The following ADAM20 variants were observed in gnomAD, a reference collection of about 807,000 sequenced individuals.
ADAM20 encodes ADAM metallopeptidase domain 20.
For synonymous variants in ADAM20, 305 were observed against 310.2 expected (o/e 0.98, Z 0.18); for missense variants, 871 against 883.2 (o/e 0.99, Z 0.18).
At chr14:70,576,718 T>C in the ADAM20 span, among the ~76,000 whole-genome samples, 6 of 152,012 alleles carry the variant, frequency 3.9e-5, no homozygotes, top group African/African-American at 1.2e-4. Flanking sequence ...GTAGGGTACA[T>C]AAAGAGGGTT....
the ADAM20 span, among the ~76,000 whole-genome samples, chr14:70,570,597 G>A: frequency 1.3e-3 from 202 of 152,016 alleles, 2 homozygotes; most frequent in African/African-American, 4.5e-3. Context: ...TTGAACAGAC[G>A]AATGAGTTAG....
chr14:70,557,576 G>C, the ADAM20 span: 3 of 152,200 alleles, frequency 2.0e-5, no homozygotes, highest in Non-Finnish European at 4.4e-5. Context: ...GGAAATAGAA[G>C]TATTACAAAG....
chr14:70,545,666 A>G, the ADAM20 span, among the ~76,000 whole-genome samples: 1 of 152,242 alleles, frequency 6.6e-6, no homozygotes, highest in Non-Finnish European at 1.5e-5. Flanking sequence ...AGAGGATATG[A>G]CAATTGTAAA....
the ADAM20 span, among the ~76,000 whole-genome samples, chr14:70,544,576 A>T: frequency 6.6e-6 from 1 of 152,182 alleles, no homozygotes; most frequent in Non-Finnish European, 1.5e-5. Flanking sequence ...TAACAGAGAA[A>T]ATACCTAATT....
At chr14:70,567,858 G>A in the ADAM20 span, among the ~76,000 whole-genome samples, 152 of 152,236 alleles carry the variant, frequency 1.0e-3, no homozygotes, top group Middle Eastern at 3.4e-3. Context: ...GCAAGATAGG[G>A]AAGCAGATGG....
At position 70,523,078 on chromosome 14, in the gene ADAM20, CAT is replaced by C. The variant is rs752821410; in HGVS notation, c.1678_1679del (p.Met560ValfsTer7). Reference sequence around the variant, plus strand: ...CATTTTCACACTGAACCCTCCCACACATGATATCAGGGGTCCAACATTTTACA... The same window carrying C: ...CATTTTCACACTGAACCCTCCCACACGATATCAGGGGTCCAACATTTTACA... ...TYVKCWTPDI[M>X]CGRVQCENVG... On this transcript the variant is annotated frameshift_variant, in exon 2 of 2. Transcript: ENST00000256389. LOFTEE classifies it low-confidence loss of function (END_TRUNC). 5.0e-6 allele frequency: 8 copies of C among 1,613,874 alleles called. No homozygotes were observed. The Admixed American group carries it at 6.7e-5, about 13-fold the overall frequency.
Position 70,524,171 on chromosome 14 carries a change from T to G in ADAM20, c.587A>C (p.Gln196Pro). The G allele has an allele frequency of 6.2e-7, 1 of 1,613,864 alleles. No homozygotes were observed. Among genetic ancestry groups the G allele is most frequent in the South Asian group, 1.1e-5 (1 of 91,072 alleles). The change falls in exon 2 of 2, where the codon CAA becomes CCA. Residue 196 changes from glutamine to proline, a missense_variant. Transcript: ENST00000256389. ...LQLSYNFTLK[Q>P]SSFVGWWTHQ... The stretch of plus-strand genomic sequence containing the variant: ...GGTCCACCAGCCCACAAAAGAACTT[T>G]GCTTCAGAGTGAAATTATATGACAA...
chr14:70,540,016 C>T, the ADAM20 span, among the ~76,000 whole-genome samples: 1,519 of 152,258 alleles, frequency 1.0e-2, 68 homozygotes, highest in Admixed American at 0.07. Context: ...TTGTGGGATG[C>T]TGGCCAGGTC....
the ADAM20 span, among the ~76,000 whole-genome samples, chr14:70,570,395 A>G: frequency 6.6e-6 from 1 of 152,174 alleles, no homozygotes; most frequent in Non-Finnish European, 1.5e-5. Context: ...ACTCAAGAAA[A>G]AAACGAACAT....
At chr14:70,539,539 T>C (rs937547690), upstream of ADAM20, among the ~76,000 whole-genome samples, 1 of 152,240 alleles carries the variant, frequency 6.6e-6, no homozygotes, top group Non-Finnish European at 1.5e-5. Context: ...TACTCCCTTC[T>C]GAGAATTTGT....
At chr14:70,558,528 T>C in the ADAM20 span, among the ~76,000 whole-genome samples, 5 of 151,764 alleles carry the variant, frequency 3.3e-5, no homozygotes, top group East Asian at 5.8e-4. Context: ...GTGTTCAGAG[T>C]TGTAGAGTCT....
rs1384754410 is a variant in ADAM20, at chr14:70,524,538, C to T, written c.220G>A (p.Val74Ile). Reference sequence around the variant, plus strand: ...AACAGCTTATTTACCCTCATGTGGACAATGTATCTCTGTCCCCCAAACCGC... The same window carrying T: ...AACAGCTTATTTACCCTCATGTGGATAATGTATCTCTGTCCCCCAAACCGC... The part of the protein sequence containing the change: ...SLRFGGQRYI[V>I]HMRVNKLLFA... Residue 74 changes from valine (V) to isoleucine (I), a missense_variant, in exon 2 of 2, where the codon GTC becomes ATC. Coordinates refer to ENST00000256389, the MANE Select transcript of ADAM20 (RefSeq NM_003814.5). 1 of 1,613,964 alleles carries T rather than the reference C, an allele frequency of 6.2e-7. No homozygotes were observed. The highest frequency in any genetic ancestry group is 1.7e-5 in the Admixed American group (1 of 59,980).
the ADAM20 span, among the ~76,000 whole-genome samples, chr14:70,577,281 A>T: frequency 1.3e-5 from 2 of 152,208 alleles, no homozygotes; most frequent in East Asian, 3.8e-4. Context: ...ATCATGAAAA[A>T]GTGGGGTTTA....
intron 1 of ADAM20, among the ~76,000 whole-genome samples, chr14:70,532,282 A>G (rs1045847816): frequency 1.3e-5 from 2 of 152,156 alleles, no homozygotes; most frequent in African/African-American, 2.4e-5. Flanking sequence ...ATCCACATGC[A>G]AAAGCATGAA....
chr14:70,568,475 C>G, the ADAM20 span, among the ~76,000 whole-genome samples: 2 of 152,166 alleles, frequency 1.3e-5, no homozygotes, highest in African/African-American at 4.8e-5. Flanking sequence ...TATAAAAAGC[C>G]AGGATGTCCT....
chr14:70,540,419 C>T, the ADAM20 span, among the ~76,000 whole-genome samples: 2 of 152,140 alleles, frequency 1.3e-5, no homozygotes, highest in Non-Finnish European at 2.9e-5. Context: ...GTTCACATGA[C>T]TTTAACCTTT....
the ADAM20 span, among the ~76,000 whole-genome samples, chr14:70,563,581 C>T: frequency 1.3e-5 from 2 of 152,264 alleles, no homozygotes; most frequent in African/African-American, 4.8e-5. Flanking sequence ...ATGTAATCCC[C>T]AGCGTTGGAG....
chr14:70,530,245 C>T (rs1174851282), intron 1 of ADAM20, among the ~76,000 whole-genome samples: 1 of 152,150 alleles, frequency 6.6e-6, no homozygotes, highest in South Asian at 2.1e-4. Context: ...TAGGTCGTCA[C>T]AGGGTGAAGA....
At chr14:70,564,671 CAATTA>C in the ADAM20 span, among the ~76,000 whole-genome samples, 64 of 136,990 alleles carry the variant, frequency 4.7e-4, no homozygotes, top group Middle Eastern at 4.0e-3. Context: ...TGTTGATAGA[CAATTA>C]AATTAAATCA....
Sources: allele counts gnomAD v4.1 joint callset (sites outside exome capture counted in the v4.1 genomes callset), GRCh38; gene constraint gnomAD v4.1.1; transcripts MANE v1.5; gene names NCBI Gene and HGNC (gene_info 2026-07-23, HGNC 2026-07-21).